RSRP1: variants seen among roughly 807,000 people sequenced by gnomAD.
RSRP1 encodes the protein arginine/serine-rich protein 1.
RSRP1 carries 37 observed loss-of-function variants against 33.0 expected under a neutral mutation model. The observed-to-expected ratio is 1.12, with a 90% confidence interval of 0.86 to 1.48. The LOEUF is 1.48. Ranked by LOEUF, RSRP1 falls within the 40% of genes most tolerant of loss-of-function variation. RSRP1 has a pLI of 0.00. For synonymous variants in RSRP1, 167 were observed against 158.7 expected (o/e 1.05, Z -0.40); for missense variants, 402 against 385.3 (o/e 1.04, Z -0.36).
At chr1:25,253,424 C>CG (rs1195644645) in intron 1 of RSRP1, 1 of 152,362 alleles carries the variant, frequency 6.6e-6, no homozygotes, top group East Asian at 1.9e-4. Flanking sequence ...CCAGGCTGCA[C>CG]GGTCTCGGCT....
rs1357344788 is a variant in RSRP1 at position 25,279,559 on chromosome 1, G to A, written c.-66-32530C>T. Among the ~76,000 whole-genome samples the A allele has an allele frequency of 1.6e-5, 2 of 128,696 alleles. 1 individual carries two copies. The highest frequency in any genetic ancestry group is 3.6e-5 in the Non-Finnish European group (2 of 55,196). 84.4% of individuals were successfully genotyped at this position (128,696 alleles called of 152,430 possible). A position where few individuals can be genotyped will look rare whatever the true frequency, so the allele number is the denominator to read the frequency against. On this transcript the variant is annotated intron_variant, in intron 1 of 1. Transcript: ENST00000561867. ...CTTGGACTAGTTATAGCACCTCTCT[G>A]TGCCTCCCTTTCCCCATCTCTAAAA...
rs201418814 is a variant in RSRP1 at position 25,306,691 on chromosome 1, G to A, written c.-67+31287C>T. ...TGCTTGGAGAGATCATCTACATTGT[G>A]CTGCTGGTGCTTGATACCGTCGGAG... is the stretch of plus-strand genomic sequence containing the variant. On this transcript the variant is annotated intron_variant, in intron 1 of 1. Coordinates refer to the RSRP1 transcript ENST00000561867. The A allele has an allele frequency of 3.6e-5, 50 of 1,378,576 alleles. 12 individuals are homozygous for A. In the Admixed American group the frequency reaches 5.9e-4, roughly 16 times the overall value. The allele number at this position is 1,378,576 out of a possible 1,614,324, so 85.4% of individuals were successfully genotyped here.
chr1:25,336,726 C>T (rs1401513685), intron 1 of RSRP1, among the ~76,000 whole-genome samples: 1 of 150,932 alleles, frequency 6.6e-6, no homozygotes, highest in African/African-American at 2.5e-5. Context: ...TGTTAAGTCA[C>T]TAACGGGAAT....
At position 25,246,805 on chromosome 1, in the gene RSRP1, A is replaced by C. The variant is rs1400612719; in HGVS notation, c.159T>G (p.Phe53Leu). The change falls in exon 2 of 5, where the codon TTT becomes TTG. Residue 53 changes from phenylalanine (F) to leucine (L), a missense_variant. By Grantham distance (22) the Phe-to-Leu change is conservative. Transcript: ENST00000243189. ...SRSHSRVSSRFSSRSRRSKSR... is the reference protein window; with the variant it reads ...SRSHSRVSSRLSSRSRRSKSR... ...ACTTGCTCCTCCGACTCCTGGACGAAAACCGGCTCGAGACGCGGGAATGGG... is the reference window on the plus strand; with the variant it reads ...ACTTGCTCCTCCGACTCCTGGACGACAACCGGCTCGAGACGCGGGAATGGG... 6.2e-7 allele frequency: 1 copy of C among 1,613,564 alleles called. No homozygotes were observed.
In RSRP1 at chr1:25,289,297, C is replaced by T. The variant is rs1350153559; in HGVS notation, c.-66-42268G>A. Among the ~76,000 whole-genome samples the T allele has an allele frequency of 1.5e-4, 19 of 130,784 alleles. 3 individuals are homozygous for T. The highest frequency in any genetic ancestry group is 3.4e-4 in the African/African-American group (13 of 38,452). 85.8% of individuals were successfully genotyped at this position (130,784 alleles called of 152,430 possible). ...GAAACCTCTGCCTCCCGGGTTCAAG[C>T]GACTGCCATGCCTCAGCCTCGAGAG... On this transcript the variant is annotated intron_variant, in intron 1 of 1. Transcript: ENST00000561867.
At chr1:25,288,571 G>A (rs1396018238) in intron 1 of RSRP1, among the ~76,000 whole-genome samples, 2 of 125,554 alleles carry the variant, frequency 1.6e-5, no homozygotes, top group East Asian at 2.0e-4. Flanking sequence ...TGTGCTTGAC[G>A]TATATCAACT....
intron 1 of RSRP1, chr1:25,272,381 T>C: frequency 3.1e-6 from 3 of 957,680 alleles, no homozygotes; most frequent in Non-Finnish European, 4.7e-6. Flanking sequence ...ATAGTCCCTC[T>C]GCTTCCGTGT....
chr1:25,312,523 T>C lies in RSRP1; in HGVS notation c.-67+25455A>G, dbSNP rs1192004633. ...GATTTGGGAGGTTGAGGTGGGAGGATTGCTTGAGCCCAGGAGCTCAAGACC... is the reference window on the plus strand; with the variant it reads ...GATTTGGGAGGTTGAGGTGGGAGGACTGCTTGAGCCCAGGAGCTCAAGACC... On this transcript the variant is annotated intron_variant, in intron 1 of 1. Transcript: ENST00000561867. Among the ~76,000 whole-genome samples, 6 of 130,514 alleles carry C rather than the reference T, an allele frequency of 4.6e-5. 1 individual carries two copies. Among genetic ancestry groups the C allele is most frequent in the African/African-American group, 1.3e-4 (5 of 38,242 alleles). The allele number at this position is 130,514 out of a possible 152,430, so 85.6% of individuals were successfully genotyped here.
chr1:25,286,532 A>T (rs1262856766), intron 1 of RSRP1, among the ~76,000 whole-genome samples: 1 of 134,960 alleles, frequency 7.4e-6, no homozygotes, highest in African/African-American at 2.6e-5. Context: ...CATGCCTGTA[A>T]TCCCAGCACT....
rs554074265 is a variant in RSRP1 at position 25,275,927 on chromosome 1, A to C, written c.-66-28898T>G. ...TGTTCACTTGACTGCCATTATTTCTATGCTTCCAATCTGTGTTTTTCTGCA... is the reference window on the plus strand; with the variant it reads ...TGTTCACTTGACTGCCATTATTTCTCTGCTTCCAATCTGTGTTTTTCTGCA... On this transcript the variant is annotated intron_variant, in intron 1 of 1. Transcript: ENST00000561867. Among the ~76,000 whole-genome samples the C allele has an allele frequency of 3.4e-4, 45 of 132,370 alleles. 9 individuals carry two copies. The highest frequency in any genetic ancestry group is 9.2e-4 in the South Asian group (4 of 4,334). The allele number at this position is 132,370 out of a possible 152,430, so 86.8% of individuals were successfully genotyped here. A position where few individuals can be genotyped will look rare whatever the true frequency, so the allele number is the denominator to read the frequency against.
intron 1 of RSRP1, among the ~76,000 whole-genome samples, chr1:25,321,123 T>G (rs1422251553): frequency 7.6e-6 from 1 of 130,820 alleles, no homozygotes; most frequent in Non-Finnish European, 1.8e-5. Context: ...TATAAGCTAC[T>G]TTCCTAACTA....
In RSRP1 at chr1:25,243,603, G is replaced by A. The variant is rs777397599; in HGVS notation, c.703C>T (p.Arg235Ter). Residue 235 changes from arginine to a stop codon, truncating the protein, a stop_gained, in exon 4 of 5, where the codon CGA (arginine) becomes TGA (stop). Transcript: ENST00000243189. LOFTEE classifies it high-confidence loss of function. ...TGGGTAGGTTTTTCATTGGGATTTC[G>A]AGTTCCATCTTCTGTTACCTTTTCC... is the stretch of plus-strand genomic sequence containing the variant. ...LSEKVTEDGT[R>*]NPNEKPTQQR... 1.6e-5 allele frequency: 26 copies of A among 1,613,664 alleles called. No homozygotes were observed. The highest frequency in any genetic ancestry group is 1.7e-4 in the Middle Eastern group (1 of 6,054).
In RSRP1 at chr1:25,299,304, C is replaced by T. The variant is rs375420454; in HGVS notation, c.-67+38674G>A. ...GGCTGAAGCAGGAGAATCGCTTGAA[C>T]CCAACGGGTGGAGGTTGCAGTGAGC... On this transcript the variant is annotated intron_variant, in intron 1 of 1. Coordinates refer to the RSRP1 transcript ENST00000561867. Among the ~76,000 whole-genome samples, 6 of 130,462 alleles carry T rather than the reference C, an allele frequency of 4.6e-5. 1 individual carries two copies. The highest frequency in any genetic ancestry group is 2.0e-4 in the East Asian group (1 of 5,112). 85.6% of individuals were successfully genotyped at this position (130,462 alleles called of 152,430 possible). A position where few individuals can be genotyped will look rare whatever the true frequency, so the allele number is the denominator to read the frequency against.
In RSRP1 at chr1:25,311,943, G is replaced by A. The variant is rs149256720; in HGVS notation, c.-67+26035C>T. The stretch of plus-strand genomic sequence containing the variant: ...ACCCCAGAGAGCCCCTAGTAGAGCA[G>A]GGTCTAGTGGAGCTACAAGGGTGGG... On this transcript the variant is annotated intron_variant, in intron 1 of 1. Coordinates refer to the RSRP1 transcript ENST00000561867. Among the ~76,000 whole-genome samples the A allele has an allele frequency of 1.0e-4, 13 of 129,930 alleles. 1 individual carries two copies. Among genetic ancestry groups the A allele is most frequent in the East Asian group, 2.0e-4 (1 of 5,108 alleles). 85.2% of individuals were successfully genotyped at this position (129,930 alleles called of 152,430 possible). A position where few individuals can be genotyped will look rare whatever the true frequency, so the allele number is the denominator to read the frequency against.
At chr1:25,315,695 A>G (rs1463436785) in intron 1 of RSRP1, among the ~76,000 whole-genome samples, 1 of 127,916 alleles carries the variant, frequency 7.8e-6, no homozygotes, top group Non-Finnish European at 1.8e-5. Flanking sequence ...AAGGGGTTTC[A>G]CTGTGTTAGC....
upstream of RSRP1, among the ~76,000 whole-genome samples, chr1:25,252,325 T>G (rs1639812137): frequency 6.6e-6 from 1 of 151,990 alleles, no homozygotes; most frequent in Admixed American, 6.6e-5. Context: ...TGTAAACTAC[T>G]TTAGGTTCAT....
intron 1 of RSRP1, chr1:25,253,219 T>A (rs1020782447): frequency 6.6e-6 from 1 of 152,196 alleles, no homozygotes; most frequent in Non-Finnish European, 1.5e-5. Context: ...TACAGAATTT[T>A]TGATGAATAT....
chr1:25,246,848 A>T lies in RSRP1; in HGVS notation c.116T>A (p.Phe39Tyr). The change falls in exon 2 of 5, where the codon TTT (phenylalanine) becomes TAT (tyrosine). Residue 39 changes from phenylalanine (F) to tyrosine (Y), a missense_variant. Phe to Tyr is a conservative substitution (Grantham distance 22). Transcript: ENST00000243189. ...RLSSRSRSRS[F>Y]SRSSRSHSRV... is the part of the protein sequence containing the mutation. The stretch of plus-strand genomic sequence containing the variant: ...GGAATGGGACCGAGAGCTTCTGGAA[A>T]AAGAGCGGCTCCTAGACCGCGACGA... The T allele has an allele frequency of 6.2e-7, 1 of 1,612,896 alleles. No homozygotes were observed.
chr1:25,302,143 C>T (rs1643435252), intron 1 of RSRP1, among the ~76,000 whole-genome samples: 1 of 131,278 alleles, frequency 7.6e-6, no homozygotes, highest in Non-Finnish European at 1.8e-5. Context: ...TTTTGAGTCT[C>T]AGTGGCCTCA....
Sources: allele counts gnomAD v4.1 joint callset (sites outside exome capture counted in the v4.1 genomes callset), GRCh38; gene constraint gnomAD v4.1.1; transcripts MANE v1.5; gene names NCBI Gene and HGNC (gene_info 2026-07-23, HGNC 2026-07-21).